ASTN2: variants seen among roughly 807,000 people sequenced by gnomAD.
The protein encoded by ASTN2 is astrotactin-2.
Under a neutral mutation model 139.8 loss-of-function variants are expected in ASTN2, and 54 were observed. That is an observed-to-expected ratio of 0.39 (90% CI 0.31 to 0.48). The LOEUF (loss-of-function observed/expected upper bound fraction) is 0.48. Ranked by LOEUF, ASTN2 falls within the 20% of genes least tolerant of loss-of-function variation. The pLI is 0.95. For missense variants in ASTN2, 1,565 were observed against 1,725.1 expected, an observed-to-expected ratio of 0.91 and a Z score of 1.64; for synonymous variants, 756 against 719.5, an observed-to-expected ratio of 1.05 and a Z score of -0.81.
intron 7 of ASTN2, among the ~76,000 whole-genome samples, chr9:116,998,442 G>A (rs1469400493): frequency 1.3e-5 from 2 of 152,168 alleles, no homozygotes; most frequent in African/African-American, 4.8e-5. Flanking sequence ...ACACACTTTA[G>A]CCAGAGTGTT....
At position 116,725,966 on chromosome 9, in the gene ASTN2, G is replaced by A. The variant is rs1286837532; in HGVS notation, c.2627-16C>T. ...TTAGTGAAGCCTGGACAAGAGAGGAGCATGTGGAGGTGGTCAGATGTGAGA... is the reference window on the plus strand; with the variant it reads ...TTAGTGAAGCCTGGACAAGAGAGGAACATGTGGAGGTGGTCAGATGTGAGA... On this transcript the variant is annotated splice_polypyrimidine_tract_variant and intron_variant, in intron 15 of 22. Coordinates refer to ENST00000313400, the MANE Select transcript of ASTN2 (RefSeq NM_001365068.1). 2.5e-6 allele frequency: 4 copies of A among 1,601,798 alleles called. No homozygotes were observed. The highest frequency in any genetic ancestry group is 1.1e-5 in the South Asian group (1 of 89,208).
chr9:117,163,563 C>G (rs550081862), intron 3 of ASTN2, among the ~76,000 whole-genome samples: 1 of 151,406 alleles, frequency 6.6e-6, no homozygotes, highest in Non-Finnish European at 1.5e-5. Context: ...AACTTTTTTT[C>G]ACTCTAGCCA....
At chr9:116,888,669 C>T (rs535217977) in intron 10 of ASTN2, among the ~76,000 whole-genome samples, 10 of 151,018 alleles carry the variant, frequency 6.6e-5, no homozygotes, top group South Asian at 2.1e-4. Context: ...ATTACAGGCA[C>T]GCGCCACCAC....
At chr9:116,540,652 T>C (rs1204050657) in intron 19 of ASTN2, 1 of 152,092 alleles carries the variant, frequency 6.6e-6, no homozygotes. Flanking sequence ...GCCACTAATC[T>C]CAAAGAGAGC....
intron 13 of ASTN2, among the ~76,000 whole-genome samples, chr9:116,795,699 G>GA (rs1043623636): frequency 5.9e-5 from 9 of 151,850 alleles, no homozygotes; most frequent in Admixed American, 2.6e-4. Context: ...TGCAGGGAAT[G>GA]AAAAAAAACC....
intron 16 of ASTN2, among the ~76,000 whole-genome samples, chr9:116,710,733 C>CAAAAAAAAAAAAAAAAAAAAAAAAAA (rs57745448): frequency 1.4e-5 from 1 of 72,578 alleles, no homozygotes. Context: ...AACTCCGTCT[C>CAAAAAAAAAAAAAAAAAAAAAAAAAA]AAAAAAAAAA....
chr9:116,548,515 C>T (rs1279032687), intron 19 of ASTN2, among the ~76,000 whole-genome samples: 1 of 152,128 alleles, frequency 6.6e-6, no homozygotes, highest in Non-Finnish European at 1.5e-5. Context: ...TCTTGTTGCC[C>T]AGGCTGGAGT....
At chr9:117,376,940 A>C (rs1219143583) in intron 1 of ASTN2, among the ~76,000 whole-genome samples, 1 of 152,214 alleles carries the variant, frequency 6.6e-6, no homozygotes, top group Non-Finnish European at 1.5e-5. Flanking sequence ...TCTTTAAAAA[A>C]AAACAACCAC....
intron 1 of ASTN2, among the ~76,000 whole-genome samples, chr9:117,294,738 T>C (rs1234966921): frequency 1.3e-5 from 2 of 152,164 alleles, no homozygotes; most frequent in Non-Finnish European, 2.9e-5. Flanking sequence ...CGGGACTATC[T>C]TCTACCATCA....
chr9:116,433,195 C>A (rs1022226997), intron 22 of ASTN2, among the ~76,000 whole-genome samples: 2 of 152,134 alleles, frequency 1.3e-5, no homozygotes, highest in African/African-American at 4.8e-5. Flanking sequence ...TTTTAATACA[C>A]AACCAGATTA....
chr9:117,214,842 G>A lies in ASTN2; in HGVS notation c.631-100C>T, dbSNP rs1832261280. 10 of 1,282,532 alleles carry A rather than the reference G, an allele frequency of 7.8e-6. No individual in the cohort carries two copies. The South Asian group carries it at 2.5e-4, about 31-fold the overall frequency. The allele number at this position is 1,282,532 out of a possible 1,614,324, so 79.4% of individuals were successfully genotyped here. ...CACTACACTCTGCCAGGATCCCTGG[G>A]TTTGGCTCATAGAGCCTCAGGAACC... is the stretch of plus-strand genomic sequence containing the variant. On this transcript the variant is annotated intron_variant, in intron 2 of 22. Coordinates refer to ENST00000313400, the MANE Select transcript of ASTN2 (RefSeq NM_001365068.1).
intron 2 of ASTN2, among the ~76,000 whole-genome samples, chr9:117,271,680 A>G (rs1834068570): frequency 6.6e-6 from 1 of 152,182 alleles, no homozygotes; most frequent in Non-Finnish European, 1.5e-5. Flanking sequence ...AATGGGAGAG[A>G]TTGGCCAAAA....
At chr9:116,655,225 A>T (rs747221053) in intron 16 of ASTN2, among the ~76,000 whole-genome samples, 6 of 152,212 alleles carry the variant, frequency 3.9e-5, no homozygotes, top group Non-Finnish European at 7.3e-5. Flanking sequence ...AAGATGAAAC[A>T]CCATTAGCCA....
intron 3 of ASTN2, among the ~76,000 whole-genome samples, chr9:117,151,316 C>A (rs1319011406): frequency 1.3e-5 from 2 of 152,198 alleles, no homozygotes; most frequent in Non-Finnish European, 2.9e-5. Flanking sequence ...CAGATCTATC[C>A]TGTCCATGAC....
At chr9:117,121,328 G>A (rs1174965267) in intron 4 of ASTN2, among the ~76,000 whole-genome samples, 9 of 152,206 alleles carry the variant, frequency 5.9e-5, no homozygotes, top group African/African-American at 2.2e-4. Context: ...TAAATCTTAT[G>A]AAGAATCGGG....
chr9:117,382,319 C>A (rs749486599), intron 1 of ASTN2, among the ~76,000 whole-genome samples: 1 of 152,166 alleles, frequency 6.6e-6, no homozygotes, highest in Non-Finnish European at 1.5e-5. Flanking sequence ...CCAGGAGGGA[C>A]AGCAGGTTTG....
At chr9:117,391,808 G>C (rs1830548353) in intron 1 of ASTN2, among the ~76,000 whole-genome samples, 1 of 152,116 alleles carries the variant, frequency 6.6e-6, no homozygotes. Flanking sequence ...AAAATCAAAA[G>C]CAAGTTAGTT....
At chr9:117,292,818 G>A (rs1564130204) in intron 1 of ASTN2, among the ~76,000 whole-genome samples, 1 of 151,954 alleles carries the variant, frequency 6.6e-6, no homozygotes, top group Admixed American at 6.6e-5. Context: ...TGATGACACG[G>A]AATGAAAAAG....
chr9:117,123,264 C>T (rs1308025921), intron 4 of ASTN2, among the ~76,000 whole-genome samples: 3 of 151,794 alleles, frequency 2.0e-5, no homozygotes, highest in Non-Finnish European at 4.4e-5. Flanking sequence ...AAAAACAGAC[C>T]TGTGGGCACC....
Sources: allele counts gnomAD v4.1 joint callset (sites outside exome capture counted in the v4.1 genomes callset), GRCh38; gene constraint gnomAD v4.1.1; transcripts MANE v1.5; gene names NCBI Gene and HGNC (gene_info 2026-07-23, HGNC 2026-07-21).